ARHGAP15: variants seen among roughly 807,000 people sequenced by gnomAD.
ARHGAP15 encodes rho GTPase-activating protein 15.
ARHGAP15 carries 51 observed loss-of-function variants against 63.7 expected under a neutral mutation model. The observed-to-expected ratio is 0.80, with a 90% confidence interval of 0.64 to 1.01. The LOEUF (loss-of-function observed/expected upper bound fraction) is 1.01. Among genes scored for constraint, ARHGAP15 ranks in the 50% least tolerant of loss-of-function variants. The pLI is 0.00. For synonymous variants in ARHGAP15, 191 were observed against 193.8 expected (o/e 0.99, Z 0.12); for missense variants, 560 against 564.6 (o/e 0.99, Z 0.08).
intron 11 of ARHGAP15, among the ~76,000 whole-genome samples, chr2:143,592,661 G>T (rs779117989): frequency 1.6e-4 from 24 of 152,174 alleles, no homozygotes; most frequent in Admixed American, 5.2e-4. Context: ...GCAGACTAGA[G>T]CAGCTATGCC....
chr2:143,492,990 G>A (rs1459207554), intron 9 of ARHGAP15, among the ~76,000 whole-genome samples: 5 of 150,928 alleles, frequency 3.3e-5, no homozygotes, highest in Admixed American at 1.3e-4. Flanking sequence ...CCCCTGAGGC[G>A]GAGCTTGCAG....
At chr2:143,495,095 C>T (rs758975528) in intron 9 of ARHGAP15, among the ~76,000 whole-genome samples, 12 of 152,120 alleles carry the variant, frequency 7.9e-5, no homozygotes, top group South Asian at 2.1e-4. Context: ...ATGATATATG[C>T]GAAAATGGTG....
At chr2:143,753,166 T>C (rs974423360) in intron 13 of ARHGAP15, among the ~76,000 whole-genome samples, 6 of 152,028 alleles carry the variant, frequency 3.9e-5, no homozygotes, top group African/African-American at 1.5e-4. Context: ...TAACATAAAA[T>C]ATATGTTGAC....
intron 6 of ARHGAP15, among the ~76,000 whole-genome samples, chr2:143,415,114 G>A (rs1473732378): frequency 6.6e-6 from 1 of 152,108 alleles, no homozygotes; most frequent in Non-Finnish European, 1.5e-5. Flanking sequence ...TATATTCAGA[G>A]TGCAAGTATC....
At chr2:143,348,135 G>C (rs1381332410) in intron 6 of ARHGAP15, among the ~76,000 whole-genome samples, 1 of 152,048 alleles carries the variant, frequency 6.6e-6, no homozygotes, top group African/African-American at 2.4e-5. Context: ...GGGGCACTAA[G>C]GTCATATGTC....
At chr2:143,672,832 C>CAAG (rs1283511139) in intron 12 of ARHGAP15, among the ~76,000 whole-genome samples, 2 of 152,088 alleles carry the variant, frequency 1.3e-5, no homozygotes, top group African/African-American at 4.8e-5. Context: ...GCAAGCAAAT[C>CAAG]AAGAAGTTAC....
At chr2:143,427,380 T>A (rs1309840096) in intron 6 of ARHGAP15, among the ~76,000 whole-genome samples, 1 of 152,188 alleles carries the variant, frequency 6.6e-6, no homozygotes, top group East Asian at 1.9e-4. Context: ...ACAGTGTTCT[T>A]GTAAAATTGC....
At chr2:143,583,532 G>C (rs180673973) in intron 11 of ARHGAP15, among the ~76,000 whole-genome samples, 9,872 of 152,150 alleles carry the variant, frequency 0.065, 410 homozygotes, top group Non-Finnish European at 0.092. Context: ...ACAAAAATGG[G>C]GGGGGTGGAA....
intron 6 of ARHGAP15, among the ~76,000 whole-genome samples, chr2:143,282,609 T>C (rs1329163320): frequency 7.0e-6 from 1 of 143,874 alleles, no homozygotes; most frequent in Non-Finnish European, 1.5e-5. Context: ...GTGGGAATTG[T>C]GGGAGCTACA....
chr2:143,766,381 T>A (rs1410927757), intron 13 of ARHGAP15, among the ~76,000 whole-genome samples: 1 of 152,154 alleles, frequency 6.6e-6, no homozygotes, highest in Non-Finnish European at 1.5e-5. Flanking sequence ...GTAGCCTTCC[T>A]AGTTATCAGA....
intron 10 of ARHGAP15, among the ~76,000 whole-genome samples, chr2:143,521,748 G>A (rs1037677795): frequency 4.0e-5 from 6 of 151,864 alleles, no homozygotes; most frequent in Admixed American, 2.6e-4. Context: ...TCACTACATC[G>A]GCACATTGGC....
intron 6 of ARHGAP15, among the ~76,000 whole-genome samples, chr2:143,326,596 T>C (rs1684259911): frequency 6.6e-6 from 1 of 152,222 alleles, no homozygotes; most frequent in African/African-American, 2.4e-5. Context: ...TGACCAATTT[T>C]CTGAGTTACT....
chr2:143,165,926 CAAGAAAGAAAAGAAAAG>C (rs1311380422), intron 2 of ARHGAP15, among the ~76,000 whole-genome samples: 1 of 56,912 alleles, frequency 1.8e-5, no homozygotes, highest in Non-Finnish European at 3.7e-5. Context: ...CCTTTAACGT[CAAGAAAGAAAAGAAAAG>C]AAGAAAGAAA....
intron 6 of ARHGAP15, among the ~76,000 whole-genome samples, chr2:143,283,580 A>G (rs1681957452): frequency 6.6e-6 from 1 of 152,220 alleles, no homozygotes; most frequent in South Asian, 2.1e-4. Flanking sequence ...TTAGGCAAAG[A>G]GCCCAGATGG....
intron 8 of ARHGAP15, among the ~76,000 whole-genome samples, chr2:143,452,511 C>T (rs978679600): frequency 2.0e-5 from 3 of 151,946 alleles, no homozygotes; most frequent in South Asian, 2.1e-4. Flanking sequence ...GAATGTGCTT[C>T]CCAGGATTTC....
In ARHGAP15 at chr2:143,768,017, A is replaced by T. The variant is rs375280277; in HGVS notation, c.1273A>T (p.Met425Leu). The change falls in exon 14 of 14, where the codon ATG (methionine) becomes TTG (leucine). Residue 425 changes from methionine (M) to leucine (L), a missense_variant. Coordinates refer to ENST00000295095, the MANE Select transcript of ARHGAP15 (RefSeq NM_018460.4). Reference protein sequence around the residue: ...KIVAKASKNLMSTQSLGIVFG... With the variant: ...KIVAKASKNLLSTQSLGIVFG... ...AGTGGCCAAAGCCTCCAAGAACCTC[A>T]TGTCCACGCAAAGCTTGGGGATTGT... is the stretch of plus-strand genomic sequence containing the variant. 5 of 1,613,444 alleles carry T rather than the reference A, an allele frequency of 3.1e-6. No homozygotes were observed. The highest frequency in any genetic ancestry group is 3.4e-6 in the Non-Finnish European group (4 of 1,179,590).
chr2:143,420,930 G>A (rs548632499), intron 6 of ARHGAP15, among the ~76,000 whole-genome samples: 1 of 152,156 alleles, frequency 6.6e-6, no homozygotes, highest in Non-Finnish European at 1.5e-5. Context: ...ACAGACACAT[G>A]CTAGTAACTA....
chr2:143,432,988 C>T (rs897584917), intron 6 of ARHGAP15, among the ~76,000 whole-genome samples: 5 of 151,968 alleles, frequency 3.3e-5, no homozygotes, highest in African/African-American at 9.7e-5. Context: ...TACATTAGCA[C>T]GGCTTAATAT....
At chr2:143,689,532 T>C (rs936841631) in intron 12 of ARHGAP15, among the ~76,000 whole-genome samples, 15 of 152,198 alleles carry the variant, frequency 9.9e-5, no homozygotes, top group African/African-American at 3.6e-4. Context: ...CTATGCACAC[T>C]GATTTTTACC....
Sources: allele counts gnomAD v4.1 joint callset (sites outside exome capture counted in the v4.1 genomes callset), GRCh38; gene constraint gnomAD v4.1.1; transcripts MANE v1.5; gene names NCBI Gene and HGNC (gene_info 2026-07-23, HGNC 2026-07-21).